The following CLIC5 variants were observed in gnomAD, a reference collection of about 807,000 sequenced individuals.
CLIC5 encodes CLIC family member 5.
Under a neutral mutation model 24.7 loss-of-function variants are expected in CLIC5, and 20 were observed. The observed-to-expected ratio is 0.81, with a 90% CI of 0.57 to 1.18. CLIC5 has a LOEUF of 1.18. CLIC5 is among the 50% of genes most tolerant of loss of function. The pLI, the probability that CLIC5 is intolerant of heterozygous loss-of-function variation, is 0.00. For synonymous variants in CLIC5, 159 were observed against 135.6 expected (o/e 1.17, Z -1.20); for missense variants, 341 against 326.1 (o/e 1.05, Z -0.35).
At chr6:45,919,197 G>A in intron 4 of CLIC5, 1 of 768,016 alleles carries the variant, frequency 1.3e-6, no homozygotes, top group Non-Finnish European at 1.6e-6. Context: ...CAGTTTCCCA[G>A]AGAACCTGCC....
the CLIC5 span, among the ~76,000 whole-genome samples, chr6:46,093,514 T>C: frequency 1.5e-4 from 23 of 152,304 alleles, no homozygotes; most frequent in African/African-American, 4.8e-4. Flanking sequence ...ATTTTGCACA[T>C]GGCAGGTGTT....
intron 4 of CLIC5, chr6:45,919,018 T>C (rs1312884462): frequency 2.0e-6 from 2 of 985,330 alleles, no homozygotes; most frequent in African/African-American, 3.5e-5. Flanking sequence ...AATGGAAATG[T>C]GCCTTGCTTT....
chr6:46,022,428 AG>A (rs1189112934), intron 1 of CLIC5, among the ~76,000 whole-genome samples: 1 of 152,194 alleles, frequency 6.6e-6, no homozygotes, highest in Non-Finnish European at 1.5e-5. Context: ...CAAGGACTTG[AG>A]GTTTAAGCTG....
At chr6:45,905,552 T>C (rs560116828) in intron 5 of CLIC5, among the ~76,000 whole-genome samples, 12 of 152,146 alleles carry the variant, frequency 7.9e-5, no homozygotes, top group Non-Finnish European at 1.8e-4. Flanking sequence ...GTTCATGTCT[T>C]TTGCCCACTT....
At chr6:46,058,712 A>G (rs1768330781) in intron 1 of CLIC5, among the ~76,000 whole-genome samples, 1 of 152,316 alleles carries the variant, frequency 6.6e-6, no homozygotes, top group Middle Eastern at 3.4e-3. Flanking sequence ...TACAACCTTT[A>G]CAAACCTACC....
At chr6:46,075,402 T>TACAA (rs563829035) in intron 1 of CLIC5, among the ~76,000 whole-genome samples, 242 of 151,910 alleles carry the variant, frequency 1.6e-3, no homozygotes, top group African/African-American at 5.4e-3. Context: ...ACCCTGTCTC[T>TACAA]ACAAACAAAC....
the CLIC5 span, among the ~76,000 whole-genome samples, chr6:46,092,162 T>C: frequency 4.4e-3 from 673 of 152,300 alleles, 4 homozygotes; most frequent in African/African-American, 0.016. Context: ...AAATTGAGTT[T>C]TGGGTAAATT....
chr6:46,067,205 G>A (rs954713037), intron 1 of CLIC5, among the ~76,000 whole-genome samples: 1 of 152,014 alleles, frequency 6.6e-6, no homozygotes, highest in Non-Finnish European at 1.5e-5. Context: ...CAAATTTACC[G>A]AGTCCCCACT....
At chr6:46,004,734 A>G (rs1766487767) in intron 1 of CLIC5, among the ~76,000 whole-genome samples, 1 of 152,184 alleles carries the variant, frequency 6.6e-6, no homozygotes, top group East Asian at 1.9e-4. Flanking sequence ...GATCCCTGTT[A>G]TATTCACAAA....
chr6:46,060,501 T>G (rs1017993368), intron 1 of CLIC5, among the ~76,000 whole-genome samples: 2 of 152,212 alleles, frequency 1.3e-5, no homozygotes, highest in African/African-American at 4.8e-5. Context: ...TAAACTCATT[T>G]AATCCTCACA....
At chr6:46,104,976 C>G in the CLIC5 span, among the ~76,000 whole-genome samples, 2 of 152,106 alleles carry the variant, frequency 1.3e-5, no homozygotes, top group Non-Finnish European at 2.9e-5. Context: ...GGGAATCAAT[C>G]TCTTTTGGTT....
intron 1 of CLIC5, among the ~76,000 whole-genome samples, chr6:46,074,358 G>T (rs1249399489): frequency 6.6e-6 from 1 of 152,058 alleles, no homozygotes. Context: ...ACCACATCAG[G>T]CACCTCTGCT....
At chr6:46,004,816 C>T (rs1460398396) in intron 1 of CLIC5, among the ~76,000 whole-genome samples, 2 of 152,168 alleles carry the variant, frequency 1.3e-5, no homozygotes, top group Admixed American at 1.3e-4. Flanking sequence ...TGGGGAAGCC[C>T]TGCCCAGAAC....
chr6:45,960,664 C>A (rs994461547), intron 1 of CLIC5, among the ~76,000 whole-genome samples: 1 of 152,200 alleles, frequency 6.6e-6, no homozygotes, highest in African/African-American at 2.4e-5. Context: ...TATGTCCAGC[C>A]GGCCTATGGC....
chr6:46,038,374 T>C (rs1479525071), intron 1 of CLIC5, among the ~76,000 whole-genome samples: 1 of 152,210 alleles, frequency 6.6e-6, no homozygotes, highest in East Asian at 1.9e-4. Flanking sequence ...TCATGCCCCA[T>C]GATCCCCTTA....
upstream of CLIC5, among the ~76,000 whole-genome samples, chr6:46,017,839 T>A (rs908232888): frequency 2.0e-5 from 3 of 152,306 alleles, no homozygotes; most frequent in Admixed American, 2.0e-4. Flanking sequence ...GGGAAAGATG[T>A]CCTCACTACC....
At chr6:46,017,687 G>A (rs1767057713), upstream of CLIC5, among the ~76,000 whole-genome samples, 1 of 152,070 alleles carries the variant, frequency 6.6e-6, no homozygotes, top group Non-Finnish European at 1.5e-5. Flanking sequence ...ACATGAATTG[G>A]GAAGATGAAG....
At chr6:45,952,688 C>T (rs1764511722) in intron 2 of CLIC5, among the ~76,000 whole-genome samples, 1 of 152,164 alleles carries the variant, frequency 6.6e-6, no homozygotes, top group South Asian at 2.1e-4. Context: ...AGTGGTGCTA[C>T]ATGCCTGGTC....
intron 1 of CLIC5, among the ~76,000 whole-genome samples, chr6:45,960,544 G>T (rs1048400500): frequency 1.2e-4 from 19 of 152,168 alleles, no homozygotes; most frequent in Admixed American, 1.2e-3. Flanking sequence ...ACGCAGTGGA[G>T]CCACCCCAGC....
Sources: gnomAD v4.1 joint callset for allele counts (sites outside exome capture counted in the v4.1 genomes callset) on GRCh38, gnomAD v4.1.1 for gene constraint, MANE v1.5 for transcripts, NCBI Gene and HGNC (gene_info 2026-07-23, HGNC 2026-07-21) for gene names.